Variants in GLRA3 observed in about 807,000 individuals in gnomAD.
The protein encoded by GLRA3 is glycine receptor alpha 3.
GLRA3 carries 44 observed loss-of-function variants against 60.4 expected under a neutral mutation model. The observed-to-expected ratio is 0.73, with a 90% confidence interval of 0.57 to 0.94. The LOEUF (loss-of-function observed/expected upper bound fraction) is 0.94, where lower values mean the gene tolerates loss of function less well. Among genes scored for constraint, GLRA3 ranks in the 40% least tolerant of loss-of-function variants. The pLI is 0.00. For missense variants in GLRA3, 508 were observed against 564.6 expected, an observed-to-expected ratio of 0.90 and a Z score of 1.02; for synonymous variants, 223 against 192.9, an observed-to-expected ratio of 1.16 and a Z score of -1.29.
intron 2 of GLRA3, among the ~76,000 whole-genome samples, chr4:174,779,219 G>T (rs937631149): frequency 6.6e-6 from 1 of 152,068 alleles, no homozygotes; most frequent in Non-Finnish European, 1.5e-5. Context: ...CACCTCACAC[G>T]GCAGGGTACT....
At chr4:174,769,932 T>C (rs1738313115) in intron 2 of GLRA3, among the ~76,000 whole-genome samples, 1 of 152,174 alleles carries the variant, frequency 6.6e-6, no homozygotes, top group African/African-American at 2.4e-5. Flanking sequence ...AGCATTGCCA[T>C]TGAAAAGCCC....
At chr4:174,748,932 G>A (rs926880352) in intron 3 of GLRA3, among the ~76,000 whole-genome samples, 2 of 152,264 alleles carry the variant, frequency 1.3e-5, no homozygotes, top group African/African-American at 4.8e-5. Context: ...GCACTTGTGG[G>A]AGATTGAGAC....
At chr4:174,770,633 G>A (rs1738343226) in intron 2 of GLRA3, among the ~76,000 whole-genome samples, 1 of 152,022 alleles carries the variant, frequency 6.6e-6, no homozygotes, top group African/African-American at 2.4e-5. Context: ...ATTCAAACAT[G>A]TATAGAAGTT....
At position 174,714,649 on chromosome 4, in the gene GLRA3, T is replaced by G. The variant is rs546461191; in HGVS notation, c.574+839A>C. Among the ~76,000 whole-genome samples the G allele has an allele frequency of 1.4e-3, 210 of 152,310 alleles. 1 individual carries two copies. Among genetic ancestry groups the G allele is most frequent in the African/African-American group, 4.8e-3 (201 of 41,554 alleles). On this transcript the variant is annotated intron_variant, in intron 5 of 9. Coordinates refer to ENST00000274093, the MANE Select transcript of GLRA3 (RefSeq NM_006529.4). ...GTCTTTGACACCTGGAGTCTGAGGC[T>G]CGGCCTTCAAATTTTCCTCAAGGAA...
intron 4 of GLRA3, among the ~76,000 whole-genome samples, chr4:174,724,326 A>C (rs1374770595): frequency 6.6e-6 from 1 of 151,992 alleles, no homozygotes; most frequent in Non-Finnish European, 1.5e-5. Context: ...TAGAAATAGA[A>C]ATGCTGAATT....
intron 3 of GLRA3, among the ~76,000 whole-genome samples, chr4:174,751,362 T>A (rs967422532): frequency 6.6e-6 from 1 of 151,994 alleles, no homozygotes; most frequent in African/African-American, 2.4e-5. Context: ...AATAAATAGA[T>A]AAATATAATC....
intron 3 of GLRA3, among the ~76,000 whole-genome samples, chr4:174,733,453 T>A (rs1271167795): frequency 6.6e-6 from 1 of 152,130 alleles, no homozygotes. Flanking sequence ...CAGTCAAATT[T>A]CAAAGATAGC....
intron 3 of GLRA3, among the ~76,000 whole-genome samples, chr4:174,739,050 A>G (rs1736906234): frequency 6.6e-6 from 1 of 152,258 alleles, no homozygotes; most frequent in South Asian, 2.1e-4. Context: ...TTACAAAATC[A>G]TGGCATGTAA....
Position 174,638,643 on chromosome 4 carries a change from C to T in GLRA3, c.*5143G>A, listed in dbSNP as rs1264270041. On this transcript the variant is annotated 3_prime_UTR_variant, in exon 10 of 10. Transcript: ENST00000274093. Reference sequence around the variant, plus strand: ...AATGAGAGACAACTAAAATTAGTTGCTTGAAGAAAGAAAAAATGATAAAAC... The same window carrying T: ...AATGAGAGACAACTAAAATTAGTTGTTTGAAGAAAGAAAAAATGATAAAAC... 1 of 152,056 alleles carries T rather than the reference C, an allele frequency of 6.6e-6. No homozygotes were observed. The highest frequency in any genetic ancestry group is 1.5e-5 in the Non-Finnish European group (1 of 68,006). The allele number at this position is 152,056 out of a possible 1,614,324, so 9.4% of individuals were successfully genotyped here. A position where few individuals can be genotyped will look rare whatever the true frequency, so the allele number is the denominator to read the frequency against.
chr4:174,711,966 T>C (rs1260348594), intron 5 of GLRA3, among the ~76,000 whole-genome samples: 1 of 152,186 alleles, frequency 6.6e-6, no homozygotes, highest in African/African-American at 2.4e-5. Context: ...GAATCTCTTT[T>C]TTTCTACATG....
In GLRA3 at chr4:174,643,095, T is replaced by G; in HGVS notation, c.*691A>C. The G allele has an allele frequency of 8.6e-6, 8 of 929,872 alleles. No individual in the cohort carries two copies. Among genetic ancestry groups the G allele is most frequent in the Non-Finnish European group, 9.0e-6 (7 of 780,568 alleles). 57.6% of individuals were successfully genotyped at this position (929,872 alleles called of 1,614,324 possible). ...GTTGTTTCCCGTATTTCCACCTTCG[T>G]TCCTAGAGATACAAAGTTTAAGAAA... is the stretch of plus-strand genomic sequence containing the variant. On this transcript the variant is annotated 3_prime_UTR_variant, in exon 10 of 10. Coordinates refer to ENST00000274093, the MANE Select transcript of GLRA3 (RefSeq NM_006529.4).
chr4:174,683,078 T>C, intron 5 of GLRA3, 139 bp from the exon 6 acceptor site: 2 of 642,316 alleles, frequency 3.1e-6, no homozygotes, highest in South Asian at 4.0e-5. Flanking sequence ...GAGCTATTCA[T>C]TGCCCAATTC....
At chr4:174,657,251 CTTG>C (rs1417663217) in intron 8 of GLRA3, among the ~76,000 whole-genome samples, 1 of 152,110 alleles carries the variant, frequency 6.6e-6, no homozygotes, top group Non-Finnish European at 1.5e-5. Flanking sequence ...AGCATCTAAA[CTTG>C]TTGTCTAATA....
At chr4:174,709,573 T>C (rs139034105) in intron 5 of GLRA3, among the ~76,000 whole-genome samples, 99 of 152,156 alleles carry the variant, frequency 6.5e-4, no homozygotes, top group Non-Finnish European at 1.1e-3. Flanking sequence ...ACATTTATAG[T>C]ATTTATCCCA....
At chr4:174,693,508 T>C (rs1036632366) in intron 5 of GLRA3, among the ~76,000 whole-genome samples, 13 of 152,140 alleles carry the variant, frequency 8.5e-5, no homozygotes, top group Middle Eastern at 3.2e-3. Flanking sequence ...TTCTGTTCAG[T>C]TGGTCTATAT....
At chr4:174,754,977 G>A (rs939124306) in intron 3 of GLRA3, among the ~76,000 whole-genome samples, 2 of 152,012 alleles carry the variant, frequency 1.3e-5, no homozygotes, top group Non-Finnish European at 2.9e-5. Flanking sequence ...TACACTGAAA[G>A]ATTTGAATAA....
chr4:174,669,814 G>A (rs779903059), intron 7 of GLRA3, among the ~76,000 whole-genome samples: 5 of 152,050 alleles, frequency 3.3e-5, no homozygotes, highest in African/African-American at 9.7e-5. Flanking sequence ...GGCCTCAAGC[G>A]ATCCTCCCAC....
At chr4:174,815,701 A>T (rs1226816205) in intron 1 of GLRA3, among the ~76,000 whole-genome samples, 1 of 152,124 alleles carries the variant, frequency 6.6e-6, no homozygotes, top group African/African-American at 2.4e-5. Flanking sequence ...TAATGGCTGG[A>T]ATTGTTGGGA....
At chr4:174,679,595 C>T (rs1260536496) in intron 6 of GLRA3, among the ~76,000 whole-genome samples, 1 of 152,048 alleles carries the variant, frequency 6.6e-6, no homozygotes, top group Non-Finnish European at 1.5e-5. Context: ...TTTGTTGAAG[C>T]CCTATTCACA....
Sources: gnomAD v4.1 joint callset for allele counts (sites outside exome capture counted in the v4.1 genomes callset) on GRCh38, gnomAD v4.1.1 for gene constraint, MANE v1.5 for transcripts, NCBI Gene and HGNC (gene_info 2026-07-23, HGNC 2026-07-21) for gene names.